Variants in INPP5A observed in about 807,000 individuals in gnomAD.
The protein encoded by INPP5A is 43 kDa inositol polyphosphate 5-phophatase.
In INPP5A, 14 loss-of-function variants were observed where a neutral mutation model predicts 65.2. The observed-to-expected ratio is 0.21, with a 90% CI of 0.14 to 0.34. The LOEUF (loss-of-function observed/expected upper bound fraction) is 0.34, where lower values mean the gene tolerates loss of function less well. Ranked by LOEUF, INPP5A falls within the 10% of genes least tolerant of loss-of-function variation. The pLI, the probability that INPP5A is intolerant of heterozygous loss-of-function variation, is 1.00. For synonymous variants in INPP5A, 207 were observed against 208.3 expected (o/e 0.99, Z 0.05); for missense variants, 431 against 545.6 (o/e 0.79, Z 2.09).
intron 1 of INPP5A, among the ~76,000 whole-genome samples, chr10:132,541,611 A>G (rs557841817): frequency 3.8e-4 from 58 of 152,360 alleles, no homozygotes; most frequent in African/African-American, 1.3e-3. Context: ...CTGAGACTGC[A>G]TGAGAATACA....
intron 1 of INPP5A, among the ~76,000 whole-genome samples, chr10:132,580,463 CTG>C (rs2071469073): frequency 6.6e-6 from 1 of 152,192 alleles, no homozygotes; most frequent in Non-Finnish European, 1.5e-5. Context: ...CCTGTACAGA[CTG>C]TGGAACTGTG....
At position 132,766,701 on chromosome 10, in the gene INPP5A, C is replaced by T. The variant is rs554125777; in HGVS notation, c.977+855C>T. Among the ~76,000 whole-genome samples the T allele has an allele frequency of 1.6e-4, 25 of 152,248 alleles. No homozygotes were observed. In the South Asian group the frequency reaches 2.3e-3, roughly 14 times the overall value. Reference sequence around the variant, plus strand: ...GTGTGCACATGTGTGTGTGTTCACGCGTGGAGATGTGTGCCTGGGTGTGGA... The same window carrying T: ...GTGTGCACATGTGTGTGTGTTCACGTGTGGAGATGTGTGCCTGGGTGTGGA... On this transcript the variant is annotated intron_variant, in intron 12 of 15. Transcript: ENST00000368594.
chr10:132,766,141 T>C (rs558507353), intron 12 of INPP5A, among the ~76,000 whole-genome samples: 1 of 150,770 alleles, frequency 6.6e-6, no homozygotes, highest in African/African-American at 2.5e-5. Context: ...TGTGTGCACG[T>C]GTGCATCTGT....
intron 8 of INPP5A, among the ~76,000 whole-genome samples, chr10:132,720,353 C>G (rs1221466444): frequency 4.6e-5 from 6 of 129,384 alleles, no homozygotes; most frequent in East Asian, 4.8e-4. Context: ...CAGCTGTCTT[C>G]AGGGTTCTGT....
intron 5 of INPP5A, among the ~76,000 whole-genome samples, chr10:132,690,740 A>G (rs1195988701): frequency 1.3e-5 from 2 of 152,224 alleles, no homozygotes; most frequent in South Asian, 2.1e-4. Context: ...CAGTGTGAGA[A>G]AATGAAAAGC....
intron 2 of INPP5A, among the ~76,000 whole-genome samples, chr10:132,643,142 G>A (rs951549079): frequency 6.6e-6 from 1 of 152,084 alleles, no homozygotes; most frequent in Non-Finnish European, 1.5e-5. Context: ...GAATATAGGG[G>A]GGTTTTTTTC....
chr10:132,768,326 T>G (rs112995800), intron 12 of INPP5A, among the ~76,000 whole-genome samples: 1,022 of 82,810 alleles, frequency 0.012, 18 homozygotes, highest in African/African-American at 0.044. Context: ...CGCGCCCAGT[T>G]GCATTCCAGA....
chr10:132,721,752 G>A (rs183429755), intron 8 of INPP5A, among the ~76,000 whole-genome samples: 4 of 150,786 alleles, frequency 2.7e-5, no homozygotes, highest in African/African-American at 7.4e-5. Flanking sequence ...GTTCTGTGGT[G>A]CCTGGGTTCT....
intron 1 of INPP5A, among the ~76,000 whole-genome samples, chr10:132,542,590 G>A (rs76613935): frequency 6.6e-6 from 1 of 152,176 alleles, no homozygotes; most frequent in African/African-American, 2.4e-5. Context: ...AGTGGGGTGG[G>A]GGGGTCTCCC....
chr10:132,588,358 C>A (rs932519338), intron 1 of INPP5A, among the ~76,000 whole-genome samples: 9 of 152,356 alleles, frequency 5.9e-5, no homozygotes, highest in African/African-American at 2.2e-4. Context: ...ACGCAGCTTG[C>A]AGACTGGGTC....
chr10:132,608,919 C>A (rs1028136482), intron 2 of INPP5A, among the ~76,000 whole-genome samples: 1 of 152,126 alleles, frequency 6.6e-6, no homozygotes, highest in African/African-American at 2.4e-5. Context: ...GGTGCTGGGC[C>A]AGAGGTGGAG....
rs1233961465 is a variant in INPP5A at position 132,753,855 on chromosome 10, T to C, written c.903+4010T>C. 1 of 152,208 alleles carries C rather than the reference T, an allele frequency of 6.6e-6. No homozygotes were observed. Among genetic ancestry groups the C allele is most frequent in the Admixed American group, 6.5e-5 (1 of 15,288 alleles). The allele number at this position is 152,208 out of a possible 1,614,324, so 9.4% of individuals were successfully genotyped here. ...GGCAGGATCAGCCGCTGCCTTGTCA[T>C]TGTCCACACGGCCCTGCCTGCCTTC... On this transcript the variant is annotated intron_variant, in intron 11 of 15. Coordinates refer to ENST00000368594, the MANE Select transcript of INPP5A (RefSeq NM_005539.5). The surrounding 1 kb of genome is among the most constrained non-coding windows in gnomAD (Gnocchi z 5.3).
At chr10:132,759,793 A>G (rs1846698421) in intron 11 of INPP5A, among the ~76,000 whole-genome samples, 1 of 152,022 alleles carries the variant, frequency 6.6e-6, no homozygotes, top group South Asian at 2.1e-4. Flanking sequence ...ACGCCAGCCC[A>G]TGGAGGTAGC....
intron 2 of INPP5A, among the ~76,000 whole-genome samples, chr10:132,645,413 G>T (rs1041352973): frequency 1.3e-5 from 2 of 152,110 alleles, no homozygotes; most frequent in African/African-American, 2.4e-5. Context: ...CACATGCTCC[G>T]GCACACGCGT....
chr10:132,744,694 T>C (rs1365355424), intron 9 of INPP5A, among the ~76,000 whole-genome samples: 1 of 152,198 alleles, frequency 6.6e-6, no homozygotes, highest in Non-Finnish European at 1.5e-5. Context: ...TTTATTTAAC[T>C]GTGAACGCCC....
intron 1 of INPP5A, among the ~76,000 whole-genome samples, chr10:132,559,192 C>T (rs1184508139): frequency 4.6e-5 from 7 of 152,202 alleles, no homozygotes; most frequent in Admixed American, 2.6e-4. Flanking sequence ...TCGGGGCCGT[C>T]GGTGGCTTCG....
chr10:132,583,263 G>T (rs1279105765), intron 1 of INPP5A, among the ~76,000 whole-genome samples: 1 of 152,202 alleles, frequency 6.6e-6, no homozygotes, highest in Non-Finnish European at 1.5e-5. Context: ...GCATGGTTGT[G>T]TACTAATCTC....
In INPP5A at chr10:132,644,057, C is replaced by T. The variant is rs146973956; in HGVS notation, c.118-1811C>T. ...AGACCACCGGAAACACTCAGACCACCGGCACCAAGGGTTGTCTGTTTTCAG... is the reference window on the plus strand; with the variant it reads ...AGACCACCGGAAACACTCAGACCACTGGCACCAAGGGTTGTCTGTTTTCAG... On this transcript the variant is annotated intron_variant, in intron 2 of 15. Transcript: ENST00000368594. The surrounding 1 kb of genome is among the most constrained non-coding windows in gnomAD (Gnocchi z 6.5). Among the ~76,000 whole-genome samples, 11 of 152,318 alleles carry T rather than the reference C, an allele frequency of 7.2e-5. No individual in the cohort carries two copies. The highest frequency in any genetic ancestry group is 3.4e-3 in the Middle Eastern group (1 of 294).
chr10:132,763,118 C>T (rs988404989), intron 11 of INPP5A, among the ~76,000 whole-genome samples: 3 of 152,238 alleles, frequency 2.0e-5, no homozygotes, highest in Non-Finnish European at 4.4e-5. Flanking sequence ...TTCCTGAAAT[C>T]TCGAAACATG....
Sources: allele counts gnomAD v4.1 joint callset (sites outside exome capture counted in the v4.1 genomes callset), GRCh38; gene constraint gnomAD v4.1.1; non-coding constraint Gnocchi (gnomAD v3.1); transcripts MANE v1.5; gene names NCBI Gene and HGNC (gene_info 2026-07-23, HGNC 2026-07-21).